The following COMMD10 variants were observed in gnomAD, a reference collection of about 807,000 sequenced individuals.
COMMD10 encodes COMM domain-containing protein 10.
COMMD10 carries 33 observed loss-of-function variants against 28.9 expected under a neutral mutation model. The ratio of observed to expected loss-of-function variants is 1.14; its 90% CI spans 0.87 to 1.53. The LOEUF (loss-of-function observed/expected upper bound fraction) is 1.53. Ranked by LOEUF, COMMD10 falls within the 40% of genes most tolerant of loss-of-function variation. COMMD10 has a pLI of 0.00. For missense variants in COMMD10, 310 were observed against 233.4 expected (o/e 1.33, Z -2.14); for synonymous variants, 110 against 81.7 (o/e 1.35, Z -1.87).
intron 5 of COMMD10, among the ~76,000 whole-genome samples, chr5:116,252,378 C>T (rs1750145508): frequency 1.4e-5 from 2 of 139,552 alleles, no homozygotes; most frequent in South Asian, 2.3e-4. Context: ...CTTGCCTGTG[C>T]CTATGTCCTG....
chr5:116,239,673 T>A (rs1185450004), intron 5 of COMMD10, among the ~76,000 whole-genome samples: 1 of 152,194 alleles, frequency 6.6e-6, no homozygotes, highest in Non-Finnish European at 1.5e-5. Context: ...GATCAGAATC[T>A]GTGTGCAAAC....
rs138541986 is a variant in COMMD10 at position 116,281,924 on chromosome 5, G to C, written c.511-9593G>C. Among the ~76,000 whole-genome samples, 887 of 151,882 alleles carry C rather than the reference G, an allele frequency of 5.8e-3. 25 individuals carry two copies. The highest frequency in any genetic ancestry group is 0.02 in the African/African-American group (818 of 41,260). On this transcript the variant is annotated intron_variant, in intron 5 of 6. Coordinates refer to ENST00000274458, the MANE Select transcript of COMMD10 (RefSeq NM_016144.4). ...TACTACTACTTTTTTTTGGTCCCAT[G>C]TGATCTGGGAAAATACCTTCTTTTC...
intron 5 of COMMD10, among the ~76,000 whole-genome samples, chr5:116,244,660 C>CAAAAAAAAA (rs60360733): frequency 1.9e-4 from 15 of 79,468 alleles, no homozygotes; most frequent in Non-Finnish European, 2.4e-4. Context: ...AAAAAAATTA[C>CAAAAAAAAA]AAAAAAAAAA....
At chr5:116,203,273 C>G (rs1748719730) in intron 5 of COMMD10, among the ~76,000 whole-genome samples, 1 of 151,996 alleles carries the variant, frequency 6.6e-6, no homozygotes, top group African/African-American at 2.4e-5. Flanking sequence ...ATTAGTGTAC[C>G]TGAAAGTGAC....
chr5:116,291,122 T>A (rs962480125), intron 5 of COMMD10, among the ~76,000 whole-genome samples: 1 of 152,100 alleles, frequency 6.6e-6, no homozygotes, highest in Non-Finnish European at 1.5e-5. Context: ...AATGGCTGGG[T>A]GAGTTCAATC....
At chr5:116,199,679 C>G (rs1748613444) in intron 5 of COMMD10, among the ~76,000 whole-genome samples, 1 of 152,078 alleles carries the variant, frequency 6.6e-6, no homozygotes, top group African/African-American at 2.4e-5. Flanking sequence ...TTTTAAAGAA[C>G]TTTAAAAAAC....
intron 5 of COMMD10, among the ~76,000 whole-genome samples, chr5:116,241,389 A>G (rs1227272411): frequency 6.6e-6 from 1 of 152,126 alleles, no homozygotes; most frequent in East Asian, 1.9e-4. Context: ...AAATACCTAC[A>G]TATCTGTAAT....
At chr5:116,116,716 T>C (rs537749732) in intron 4 of COMMD10, among the ~76,000 whole-genome samples, 1 of 149,310 alleles carries the variant, frequency 6.7e-6, no homozygotes, top group African/African-American at 2.5e-5. Context: ...TTTTTTTTTT[T>C]TTTTTTTTTT....
chr5:116,167,854 A>G (rs1217009897), intron 5 of COMMD10, among the ~76,000 whole-genome samples: 6 of 152,174 alleles, frequency 3.9e-5, no homozygotes, highest in African/African-American at 1.4e-4. Context: ...GAAAGGAAAA[A>G]CTGGTACCAG....
intron 5 of COMMD10, among the ~76,000 whole-genome samples, chr5:116,212,833 T>C (rs1213900492): frequency 6.6e-6 from 1 of 152,090 alleles, no homozygotes; most frequent in African/African-American, 2.4e-5. Flanking sequence ...CTGTGGAATA[T>C]TCTGTATATA....
chr5:116,214,208 A>G (rs1749042377), intron 5 of COMMD10, among the ~76,000 whole-genome samples: 3 of 152,128 alleles, frequency 2.0e-5, no homozygotes, highest in African/African-American at 7.2e-5. Context: ...TAGAACCATA[A>G]AGTTGTAAAT....
chr5:116,140,592 CTT>C (rs1489579438), intron 5 of COMMD10, among the ~76,000 whole-genome samples: 1 of 151,648 alleles, frequency 6.6e-6, no homozygotes, highest in African/African-American at 2.4e-5. Context: ...TTTGTTGTCT[CTT>C]GTCTTTTTGA....
At chr5:116,211,586 ATATT>A (rs1748965220) in intron 5 of COMMD10, among the ~76,000 whole-genome samples, 1 of 152,090 alleles carries the variant, frequency 6.6e-6, no homozygotes, top group Non-Finnish European at 1.5e-5. Flanking sequence ...GACTATATAT[ATATT>A]TGTCACTTAT....
At chr5:116,225,788 A>G (rs527833375) in intron 5 of COMMD10, among the ~76,000 whole-genome samples, 1 of 151,964 alleles carries the variant, frequency 6.6e-6, no homozygotes, top group East Asian at 1.9e-4. Flanking sequence ...TAATAAAAGA[A>G]TCACAGATTC....
chr5:116,131,968 T>C (rs1226318355), intron 4 of COMMD10, among the ~76,000 whole-genome samples: 1 of 152,022 alleles, frequency 6.6e-6, no homozygotes, highest in East Asian at 1.9e-4. Flanking sequence ...AAGGTTGTTA[T>C]CCCATCCTGA....
intron 5 of COMMD10, among the ~76,000 whole-genome samples, chr5:116,177,089 G>A (rs781225834): frequency 6.6e-6 from 1 of 152,100 alleles, no homozygotes; most frequent in Non-Finnish European, 1.5e-5. Context: ...TGCAAAGGTA[G>A]TCACAGTGCC....
At chr5:116,100,929 T>C (rs1750639521) in intron 4 of COMMD10, among the ~76,000 whole-genome samples, 1 of 152,188 alleles carries the variant, frequency 6.6e-6, no homozygotes, top group South Asian at 2.1e-4. Flanking sequence ...TTGTCTGTCA[T>C]TCCACTTTTT....
At chr5:116,121,622 TC>T in intron 4 of COMMD10, among the ~76,000 whole-genome samples, 1 of 152,342 alleles carries the variant, frequency 6.6e-6, no homozygotes, top group East Asian at 1.9e-4. Flanking sequence ...TTCCTATTTC[TC>T]CACATCCTCT....
At chr5:116,255,955 C>A (rs1052420516) in intron 5 of COMMD10, 2 of 151,412 alleles carry the variant, frequency 1.3e-5, no homozygotes, top group Non-Finnish European at 2.9e-5. Context: ...GCAGTTAGAT[C>A]CACTCTTAAT....
Sources: allele counts gnomAD v4.1 joint callset (sites outside exome capture counted in the v4.1 genomes callset), GRCh38; gene constraint gnomAD v4.1.1; transcripts MANE v1.5; gene names NCBI Gene and HGNC (gene_info 2026-07-23, HGNC 2026-07-21).